RAP1GAP2: variants seen among roughly 807,000 people sequenced by gnomAD.
The protein encoded by RAP1GAP2 is rap1 GTPase-activating protein 2.
RAP1GAP2 carries 27 observed loss-of-function variants against 95.0 expected under a neutral mutation model. That is an observed-to-expected ratio of 0.28 (90% CI 0.21 to 0.39). The LOEUF (loss-of-function observed/expected upper bound fraction) is 0.39, where lower values mean the gene tolerates loss of function less well. Among genes scored for constraint, RAP1GAP2 ranks in the 10% least tolerant of loss-of-function variants. The probability of loss-of-function intolerance (pLI) is 1.00; values close to 1 mark genes in which losing one functional copy is unlikely to be tolerated. For synonymous variants in RAP1GAP2, 373 were observed against 380.9 expected, an observed-to-expected ratio of 0.98 and a Z score of 0.24; for missense variants, 771 against 970.0, an observed-to-expected ratio of 0.79 and a Z score of 2.72.
chr17:2,948,354 G>C (rs896875556), intron 3 of RAP1GAP2, among the ~76,000 whole-genome samples: 1 of 152,234 alleles, frequency 6.6e-6, no homozygotes, highest in Non-Finnish European at 1.5e-5. Context: ...CATGCTGCAG[G>C]TGGGGCCAGT....
At chr17:2,823,151 T>C (rs1216851824) in intron 2 of RAP1GAP2, among the ~76,000 whole-genome samples, 1 of 151,382 alleles carries the variant, frequency 6.6e-6, no homozygotes, top group African/African-American at 2.4e-5. Context: ...GGCTTCCGGA[T>C]ACCTCATCCC....
At chr17:2,999,050 C>T (rs2046064249) in intron 14 of RAP1GAP2, among the ~76,000 whole-genome samples, 1 of 152,170 alleles carries the variant, frequency 6.6e-6, no homozygotes, top group South Asian at 2.1e-4. Flanking sequence ...AATTTAAAGA[C>T]CTCCAGGGAG....
At chr17:2,755,670 C>G (rs1404923573), upstream of RAP1GAP2, 1 of 281,204 alleles carries the variant, frequency 3.6e-6, no homozygotes, top group Non-Finnish European at 6.6e-6. Context: ...GCAGCCGAGC[C>G]TCCTCCACCG....
At chr17:3,009,922 C>A (rs928925854) in intron 17 of RAP1GAP2, among the ~76,000 whole-genome samples, 9 of 152,058 alleles carry the variant, frequency 5.9e-5, no homozygotes, top group Non-Finnish European at 1.2e-4. Flanking sequence ...CTGGGGAAGG[C>A]AGGAAGGGGG....
intron 13 of RAP1GAP2, among the ~76,000 whole-genome samples, chr17:2,997,469 A>C (rs185070347): frequency 3.2e-4 from 49 of 152,262 alleles, no homozygotes; most frequent in African/African-American, 1.2e-3. Context: ...TTTCTCCCAG[A>C]TCAATGACAG....
In RAP1GAP2 at chr17:2,965,483, G is replaced by T; in HGVS notation, c.493-57G>T. The T allele has an allele frequency of 3.0e-6, 4 of 1,351,862 alleles. No homozygotes were observed. Among genetic ancestry groups the T allele is most frequent in the South Asian group, 1.3e-5 (1 of 79,794 alleles). 83.7% of individuals were successfully genotyped at this position (1,351,862 alleles called of 1,614,324 possible). On this transcript the variant is annotated intron_variant, in intron 7 of 24. Transcript: ENST00000254695. This position sits in a 1 kb window ranked among gnomAD's most constrained non-coding sequence, Gnocchi z 4.7. Reference sequence around the variant, plus strand: ...CCTGGTGAAGGAGGTGGTTTAGGGGGAACATACCTGGAAGGTTTCTTCCTC... The same window carrying T: ...CCTGGTGAAGGAGGTGGTTTAGGGGTAACATACCTGGAAGGTTTCTTCCTC...
chr17:2,992,539 T>A (rs2045800316), intron 12 of RAP1GAP2, among the ~76,000 whole-genome samples: 1 of 152,146 alleles, frequency 6.6e-6, no homozygotes, highest in African/African-American at 2.4e-5. Context: ...TGACTTTCCT[T>A]GGCCAAGACC....
Position 2,906,074 on chromosome 17 carries a change from A to T in RAP1GAP2, c.165+706A>T, listed in dbSNP as rs115521147. 6.6e-6 allele frequency among the ~76,000 whole-genome samples: 1 copy of T among 152,078 alleles called. No individual in the cohort carries two copies. Among genetic ancestry groups the T allele is most frequent in the Non-Finnish European group, 1.5e-5 (1 of 68,006 alleles). On this transcript the variant is annotated intron_variant, in intron 3 of 24. Coordinates refer to ENST00000254695, the MANE Select transcript of RAP1GAP2 (RefSeq NM_015085.5). This position sits in a 1 kb window ranked among gnomAD's most constrained non-coding sequence, Gnocchi z 4.3. ...AGCCAGTGTTTCTGCATAGGCTGGC[A>T]TGCACGCTCTCCCTCCCTCCCTCCC...
chr17:2,940,784 C>T (rs2043466206), intron 3 of RAP1GAP2, among the ~76,000 whole-genome samples: 1 of 152,226 alleles, frequency 6.6e-6, no homozygotes, highest in Admixed American at 6.5e-5. Flanking sequence ...CTTCGTCTTT[C>T]CCCTGCCTGC....
At chr17:2,986,739 T>G (rs970975086) in intron 11 of RAP1GAP2, among the ~76,000 whole-genome samples, 1 of 152,084 alleles carries the variant, frequency 6.6e-6, no homozygotes, top group African/African-American at 2.4e-5. Context: ...CCTCCCTGAG[T>G]GCACAGTCCA....
In RAP1GAP2 at chr17:2,916,715, G is replaced by A. The variant is rs975671754; in HGVS notation, c.165+11347G>A. Among the ~76,000 whole-genome samples, 87 of 152,220 alleles carry A rather than the reference G, an allele frequency of 5.7e-4. 1 individual carries two copies. The highest frequency in any genetic ancestry group is 5.6e-3 in the Admixed American group (85 of 15,286). ...GAATCGCTAGTGGAGCATCTGATAC[G>A]CAGGTGCTCCGTGATGGACTGTGAC... is the stretch of plus-strand genomic sequence containing the variant. On this transcript the variant is annotated intron_variant, in intron 3 of 24. Transcript: ENST00000254695.
chr17:2,905,414 A>C (rs1004075302), intron 3 of RAP1GAP2, 46 bp downstream of exon 3: 1 of 1,583,410 alleles, frequency 6.3e-7, no homozygotes, highest in East Asian at 2.3e-5. Flanking sequence ...GAGTGTGGGG[A>C]AGTTGTGAGG....
chr17:2,776,477 G>A (rs1357197724), upstream of RAP1GAP2, among the ~76,000 whole-genome samples: 1 of 152,110 alleles, frequency 6.6e-6, no homozygotes, highest in Non-Finnish European at 1.5e-5. Context: ...TGTTCCGGAG[G>A]AGCCGCCTTG....
At chr17:2,800,287 A>T in intron 1 of RAP1GAP2, 2 of 921,296 alleles carry the variant, frequency 2.2e-6, no homozygotes, top group Non-Finnish European at 2.6e-6. Flanking sequence ...CATCTCTGAA[A>T]TGGGGAGAAT....
intron 2 of RAP1GAP2, among the ~76,000 whole-genome samples, chr17:2,804,023 G>A (rs959646480): frequency 1.2e-4 from 18 of 152,234 alleles, no homozygotes; most frequent in African/African-American, 4.3e-4. Context: ...CATTTCTGGT[G>A]AATTGATGAG....
At position 2,998,249 on chromosome 17, in the gene RAP1GAP2, A is replaced by G. The variant is rs2046032999; in HGVS notation, c.1073A>G (p.Asp358Gly). 6.2e-7 allele frequency: 1 copy of G among 1,613,918 alleles called. No individual in the cohort carries two copies. ...CAGAGAAAGAGACACATTGGAAATGACATCGTGGCCATCATCTTCCAAGAG... is the reference window on the plus strand; with the variant it reads ...CAGAGAAAGAGACACATTGGAAATGGCATCGTGGCCATCATCTTCCAAGAG... ...QLQRKRHIGN[D>G]IVAIIFQEEN... The change falls in exon 14 of 25, where the codon GAC (aspartate) becomes GGC (glycine). Residue 358 changes from aspartate to glycine, a missense_variant. Physicochemically the swap from Asp to Gly is moderately conservative, Grantham distance 94. Transcript: ENST00000254695.
intron 2 of RAP1GAP2, among the ~76,000 whole-genome samples, chr17:2,881,119 G>A (rs1019216030): frequency 6.6e-6 from 1 of 152,098 alleles, no homozygotes; most frequent in African/African-American, 2.4e-5. Flanking sequence ...AAATTAGCTG[G>A]GCATGGTGGT....
At chr17:2,996,664 G>A (rs1241682435) in intron 13 of RAP1GAP2, among the ~76,000 whole-genome samples, 2 of 152,266 alleles carry the variant, frequency 1.3e-5, no homozygotes, top group South Asian at 2.1e-4. Context: ...GCCTGGGCCT[G>A]AGGCCTGTTC....
At position 3,005,269 on chromosome 17, in the gene RAP1GAP2, A is replaced by T. The variant is rs929472640; in HGVS notation, c.1201-100A>T. On this transcript the variant is annotated intron_variant, in intron 14 of 24. Coordinates refer to ENST00000254695, the MANE Select transcript of RAP1GAP2 (RefSeq NM_015085.5). This position sits in a 1 kb window ranked among gnomAD's most constrained non-coding sequence, Gnocchi z 5.2. The stretch of plus-strand genomic sequence containing the variant: ...ATTTTGTTTGTGTTCTGGGAAGAGG[A>T]GGAGGGAGAAGGTGAGTAGCTTTGT... 17 of 1,132,386 alleles carry T rather than the reference A, an allele frequency of 1.5e-5. No homozygotes were observed. The African/African-American group carries it at 2.6e-4, about 17-fold the overall frequency. The allele number at this position is 1,132,386 out of a possible 1,614,324, so 70.1% of individuals were successfully genotyped here.
Sources: allele counts gnomAD v4.1 joint callset (sites outside exome capture counted in the v4.1 genomes callset), GRCh38; gene constraint gnomAD v4.1.1; non-coding constraint Gnocchi (gnomAD v3.1); transcripts MANE v1.5; gene names NCBI Gene and HGNC (gene_info 2026-07-23, HGNC 2026-07-21).